HSPA4: variants seen among roughly 807,000 people sequenced by gnomAD.
HSPA4 encodes heat shock 70 kDa protein 4.
In HSPA4, 25 loss-of-function variants were observed where a neutral mutation model predicts 106.2. The observed-to-expected ratio is 0.24, with a 90% confidence interval of 0.17 to 0.33. The LOEUF (loss-of-function observed/expected upper bound fraction) is 0.33. Among genes scored for constraint, HSPA4 ranks in the 10% least tolerant of loss-of-function variants. The pLI, the probability that HSPA4 is intolerant of heterozygous loss-of-function variation, is 1.00. For missense variants in HSPA4, 841 were observed against 996.0 expected, an observed-to-expected ratio of 0.84 and a Z score of 2.10; for synonymous variants, 332 against 333.6, an observed-to-expected ratio of 1.00 and a Z score of 0.05.
chr5:133,053,128 C>T (rs1054855012), intron 1 of HSPA4, among the ~76,000 whole-genome samples: 1 of 152,096 alleles, frequency 6.6e-6, no homozygotes, highest in Non-Finnish European at 1.5e-5. Context: ...GGCTCAAGGG[C>T]CCGCCTTGAC....
rs200008798 is a variant in HSPA4, at chr5:133,096,254, G to A, written c.1803+4G>A. The A allele has an allele frequency of 2.5e-6, 4 of 1,610,468 alleles. No homozygotes were observed. The South Asian group carries it at 3.3e-5, about 13-fold the overall frequency. On this transcript the variant is annotated splice_donor_region_variant and intron_variant, in intron 14 of 18. Coordinates refer to ENST00000304858, the MANE Select transcript of HSPA4 (RefSeq NM_002154.4). ...CAACTTGTACATTGAAAATGAGGTT[G>A]TTATTTAAAGTCTATTGGAACAATG...
In HSPA4 at chr5:133,104,374, G is replaced by T. The variant is rs1474206848; in HGVS notation, c.2461G>T (p.Gly821Cys). 1 of 1,614,154 alleles carries T rather than the reference G, an allele frequency of 6.2e-7. No individual in the cohort carries two copies. The highest frequency in any genetic ancestry group is 8.5e-7 in the Non-Finnish European group (1 of 1,180,030). The change falls in exon 19 of 19, where the codon GGT becomes TGT. Residue 821 changes from glycine (G) to cysteine (C), a missense_variant. By Grantham distance (159) the Gly-to-Cys change is radical (BLOSUM62 -3). Coordinates refer to ENST00000304858, the MANE Select transcript of HSPA4 (RefSeq NM_002154.4). ...CCCAGGCCCCCAGGCTGCTGAGCAG[G>T]GTACAGACACAGCTGTGCCTTCGGA... ...DNPGPQAAEQ[G>C]TDTAVPSDSD... is the part of the protein sequence containing the mutation.
At chr5:133,077,528 G>A (rs538570621) in intron 7 of HSPA4, among the ~76,000 whole-genome samples, 6 of 152,296 alleles carry the variant, frequency 3.9e-5, no homozygotes, top group South Asian at 2.1e-4. Context: ...GTGAGCCACC[G>A]TGCCTAGCCC....
At chr5:133,054,374 T>G (rs1008001226) in intron 1 of HSPA4, among the ~76,000 whole-genome samples, 22 of 152,092 alleles carry the variant, frequency 1.4e-4, no homozygotes, top group African/African-American at 5.3e-4. Flanking sequence ...GGCTAATTTT[T>G]GTCTTTTTTA....
intron 5 of HSPA4, among the ~76,000 whole-genome samples, chr5:133,073,776 A>T (rs972145539): frequency 6.6e-6 from 1 of 152,258 alleles, no homozygotes; most frequent in Non-Finnish European, 1.5e-5. Flanking sequence ...GCCAAAGTCC[A>T]TTGGCAACTG....
chr5:133,092,742 C>T lies in HSPA4; in HGVS notation c.1603C>T (p.Gln535Ter). Residue 535 changes from glutamine (Q) to a stop codon, truncating the protein, a stop_gained, in exon 13 of 19, where the codon CAG becomes TAG. Coordinates refer to ENST00000304858, the MANE Select transcript of HSPA4 (RefSeq NM_002154.4). LOFTEE classifies it high-confidence loss of function. ...GGAGGAACCACATGTTGAAGAGCAACAGCAGCAGACACCAGCAGAAAATAA... is the reference window on the plus strand; with the variant it reads ...GGAGGAACCACATGTTGAAGAGCAATAGCAGCAGACACCAGCAGAAAATAA... ...DQEEPHVEEQ[Q>*]QQTPAENKAE... 6.3e-7 allele frequency: 1 copy of T among 1,594,518 alleles called. No homozygotes were observed. Among genetic ancestry groups the T allele is most frequent in the Non-Finnish European group, 8.5e-7 (1 of 1,170,480 alleles).
chr5:133,081,098 A>G (rs1161623310), intron 7 of HSPA4, among the ~76,000 whole-genome samples: 2 of 151,882 alleles, frequency 1.3e-5, no homozygotes, highest in Non-Finnish European at 2.9e-5. Context: ...CCCAGGCTGG[A>G]GTGCAGTGGT....
At chr5:133,053,690 G>T (rs1298737240) in intron 1 of HSPA4, among the ~76,000 whole-genome samples, 1 of 146,576 alleles carries the variant, frequency 6.8e-6, no homozygotes, top group East Asian at 2.1e-4. Context: ...ATGGAGTCTC[G>T]CTCTGTCGCC....
intron 1 of HSPA4, among the ~76,000 whole-genome samples, chr5:133,063,624 G>T (rs958251553): frequency 6.6e-6 from 1 of 151,890 alleles, no homozygotes; most frequent in African/African-American, 2.4e-5. Flanking sequence ...GTAGAGACGG[G>T]GTTTGATCAT....
intron 11 of HSPA4, among the ~76,000 whole-genome samples, chr5:133,090,348 G>A (rs1299882652): frequency 2.7e-5 from 4 of 146,042 alleles, no homozygotes; most frequent in Non-Finnish European, 5.9e-5. Flanking sequence ...GGAGACTGGC[G>A]TGAACTCGGT....
intron 4 of HSPA4, among the ~76,000 whole-genome samples, chr5:133,072,665 C>A (rs1049210731): frequency 6.6e-6 from 1 of 151,834 alleles, no homozygotes; most frequent in Non-Finnish European, 1.5e-5. Flanking sequence ...CCACGGCCCC[C>A]CAAAGTGCTG....
chr5:133,069,066 G>A (rs1467651921), intron 3 of HSPA4, among the ~76,000 whole-genome samples: 1 of 152,180 alleles, frequency 6.6e-6, no homozygotes, highest in Non-Finnish European at 1.5e-5. Context: ...TAGGGCAGCA[G>A]CTAAAAGAAG....
chr5:133,103,258 A>G (rs918845222), intron 17 of HSPA4, among the ~76,000 whole-genome samples: 3 of 151,472 alleles, frequency 2.0e-5, no homozygotes, highest in Admixed American at 2.0e-4. Context: ...AGATGGGCTC[A>G]TTGTGTTGTC....
chr5:133,094,467 A>G (rs564707453), intron 13 of HSPA4, among the ~76,000 whole-genome samples: 1 of 152,322 alleles, frequency 6.6e-6, no homozygotes, highest in African/African-American at 2.4e-5. Context: ...AAAAAGGAAA[A>G]TGGACAGGAA....
At position 133,091,181 on chromosome 5, in the gene HSPA4, G is replaced by A. The variant is rs200640528; in HGVS notation, c.1379-12G>A. ...TAGGTTATGTGTTCTTTTGTCTCTC[G>A]TATGTCCCTAGCTCAGTTTTCAGTT... On this transcript the variant is annotated splice_polypyrimidine_tract_variant and intron_variant, in intron 11 of 18. Coordinates refer to ENST00000304858, the MANE Select transcript of HSPA4 (RefSeq NM_002154.4). The A allele has an allele frequency of 6.7e-4, 1,086 of 1,609,748 alleles. 1 individual carries two copies. Among genetic ancestry groups the A allele is most frequent in the South Asian group, 8.0e-4 (73 of 90,970 alleles).
intron 1 of HSPA4, among the ~76,000 whole-genome samples, chr5:133,060,068 C>CTTTTTTTT (rs370182052): frequency 0.015 from 2,131 of 146,090 alleles, 26 homozygotes; most frequent in Middle Eastern, 0.036. Context: ...ATCAGTTTTA[C>CTTTTTTTT]TTTTTTTTTT....
At chr5:133,058,335 T>A (rs1298108504) in intron 1 of HSPA4, among the ~76,000 whole-genome samples, 1 of 152,070 alleles carries the variant, frequency 6.6e-6, no homozygotes, top group Non-Finnish European at 1.5e-5. Context: ...GAGCCGTGAT[T>A]GAGTACTACA....
chr5:133,072,392 GTTTT>G (rs748459297), intron 4 of HSPA4, among the ~76,000 whole-genome samples: 10 of 75,730 alleles, frequency 1.3e-4, no homozygotes, highest in Non-Finnish European at 2.1e-4. Context: ...GTCCAGGGTT[GTTTT>G]TTTTTTTTTT....
intron 10 of HSPA4, 54 bp downstream of exon 10, chr5:133,089,215 G>A: frequency 1.0e-6 from 1 of 963,822 alleles, no homozygotes; most frequent in Non-Finnish European, 1.6e-6. Flanking sequence ...TATTAGGTCT[G>A]AGTAATATGT....
Sources: allele counts gnomAD v4.1 joint callset (sites outside exome capture counted in the v4.1 genomes callset), GRCh38; gene constraint gnomAD v4.1.1; transcripts MANE v1.5; gene names NCBI Gene and HGNC (gene_info 2026-07-23, HGNC 2026-07-21).